The following CNTNAP5 variants were observed in gnomAD, a reference collection of about 807,000 sequenced individuals.
The protein encoded by CNTNAP5 is contactin associated protein family member 5.
A neutral mutation model predicts 150.2 loss-of-function variants in CNTNAP5; 72 were observed. The observed-to-expected ratio is 0.48, with a 90% confidence interval of 0.40 to 0.58. The LOEUF is 0.58. Ranked by LOEUF, CNTNAP5 falls within the 20% of genes least tolerant of loss-of-function variation. The pLI is 0.00. For synonymous variants in CNTNAP5, 672 were observed against 619.8 expected, an observed-to-expected ratio of 1.08 and a Z score of -1.25; for missense variants, 1,636 against 1,626.2, an observed-to-expected ratio of 1.01 and a Z score of -0.10.
intron 1 of CNTNAP5, among the ~76,000 whole-genome samples, chr2:124,195,626 C>T (rs1391224392): frequency 3.3e-5 from 5 of 152,138 alleles, no homozygotes; most frequent in Non-Finnish European, 5.9e-5. Flanking sequence ...AATACACACA[C>T]ACACACATAA....
At chr2:124,735,864 C>A (rs929998463) in intron 13 of CNTNAP5, among the ~76,000 whole-genome samples, 1 of 152,066 alleles carries the variant, frequency 6.6e-6, no homozygotes, top group African/African-American at 2.4e-5. Flanking sequence ...AACCTCGTTT[C>A]GAATGTTAGT....
At chr2:124,384,028 C>T (rs1690868225) in intron 3 of CNTNAP5, among the ~76,000 whole-genome samples, 1 of 151,956 alleles carries the variant, frequency 6.6e-6, no homozygotes. Flanking sequence ...CTTATTATTG[C>T]CCCATTAATC....
At chr2:124,108,962 C>T (rs1016725028) in intron 1 of CNTNAP5, among the ~76,000 whole-genome samples, 1 of 152,124 alleles carries the variant, frequency 6.6e-6, no homozygotes, top group Non-Finnish European at 1.5e-5. Flanking sequence ...ATTACTGAGA[C>T]ACTATCACAT....
chr2:124,178,574 G>C (rs1685124612), intron 1 of CNTNAP5, among the ~76,000 whole-genome samples: 1 of 152,134 alleles, frequency 6.6e-6, no homozygotes, highest in Non-Finnish European at 1.5e-5. Flanking sequence ...TTTGTTTAAT[G>C]CTTTAGTCTG....
chr2:124,318,759 A>C (rs1253315356), intron 3 of CNTNAP5, among the ~76,000 whole-genome samples: 1 of 151,878 alleles, frequency 6.6e-6, no homozygotes, highest in East Asian at 1.9e-4. Context: ...CAGAAACCCC[A>C]AAATCTCCTT....
chr2:124,454,352 A>G (rs1693063188), intron 6 of CNTNAP5, among the ~76,000 whole-genome samples: 1 of 152,224 alleles, frequency 6.6e-6, no homozygotes, highest in Non-Finnish European at 1.5e-5. Flanking sequence ...GGAAATTATC[A>G]CAGTCATAAA....
Position 124,025,368 on chromosome 2 carries a change from TGCACC to T in CNTNAP5, c.-281_-277del. On this transcript the variant is annotated 5_prime_UTR_variant, in exon 1 of 24. Coordinates refer to ENST00000682447, the MANE Select transcript of CNTNAP5 (RefSeq NM_001367498.1). ...CTGTCGTTCTAATTGGGTTTGGATT[TGCACC>T]GTTAAGGAGGGGGGAAGAGAAGGAA... is the stretch of plus-strand genomic sequence containing the variant. 2 of 462,740 alleles carry T rather than the reference TGCACC, an allele frequency of 4.3e-6. No individual in the cohort carries two copies. Among genetic ancestry groups the T allele is most frequent in the Non-Finnish European group, 8.0e-6 (2 of 250,556 alleles). 28.7% of individuals were successfully genotyped at this position (462,740 alleles called of 1,614,324 possible). A position where few individuals can be genotyped will look rare whatever the true frequency, so the allele number is the denominator to read the frequency against.
At chr2:124,817,405 C>CA (rs959506006) in intron 19 of CNTNAP5, among the ~76,000 whole-genome samples, 37 of 148,094 alleles carry the variant, frequency 2.5e-4, no homozygotes, top group African/African-American at 6.9e-4. Context: ...CCTTATACTT[C>CA]AAAAAAAAAG....
chr2:124,206,814 A>C (rs1685876436), intron 1 of CNTNAP5, among the ~76,000 whole-genome samples: 2 of 152,172 alleles, frequency 1.3e-5, no homozygotes, highest in South Asian at 4.1e-4. Context: ...GTAATAGGGG[A>C]CAGAAGCCTG....
intron 1 of CNTNAP5, among the ~76,000 whole-genome samples, chr2:124,221,481 A>G (rs890516072): frequency 1.3e-5 from 2 of 152,056 alleles, no homozygotes; most frequent in South Asian, 4.1e-4. Flanking sequence ...TCTGCTTGAC[A>G]TTTTTGAACT....
chr2:124,086,732 C>T lies in CNTNAP5; in HGVS notation c.82+61000C>T, dbSNP rs145816620. On this transcript the variant is annotated intron_variant, in intron 1 of 23. Transcript: ENST00000682447. The stretch of plus-strand genomic sequence containing the variant: ...TTTATAGTAAGTTTTTTGTAAACAA[C>T]ATAGTTGGGTCATGGCTTATAATCC... Among the ~76,000 whole-genome samples, 555 of 151,658 alleles carry T rather than the reference C, an allele frequency of 3.7e-3. 18 individuals are homozygous for T. Among genetic ancestry groups the T allele is most frequent in the African/African-American group, 0.013 (533 of 41,078 alleles).
intron 2 of CNTNAP5, among the ~76,000 whole-genome samples, chr2:124,222,771 C>T (rs893903126): frequency 6.7e-6 from 1 of 149,694 alleles, no homozygotes; most frequent in African/African-American, 2.5e-5. Context: ...TTTGTTAACA[C>T]TTGAATTTAT....
At position 124,630,385 on chromosome 2, in the gene CNTNAP5, T is replaced by C. The variant is rs187470191; in HGVS notation, c.1877-17373T>C. Among the ~76,000 whole-genome samples the C allele has an allele frequency of 7.1e-3, 1,079 of 152,230 alleles. 48 individuals are homozygous for C. Among genetic ancestry groups the C allele is most frequent in the Admixed American group, 0.066 (1,007 of 15,284 alleles). ...AATAGCTTATCCACCACGATCAAGT[T>C]GGTTTCATCCCTGGCATGCAAGGCT... On this transcript the variant is annotated intron_variant, in intron 12 of 23. Transcript: ENST00000682447.
At chr2:124,460,245 G>C (rs1302077365) in intron 6 of CNTNAP5, among the ~76,000 whole-genome samples, 2 of 152,166 alleles carry the variant, frequency 1.3e-5, no homozygotes, top group Non-Finnish European at 2.9e-5. Context: ...GAATCTCAGA[G>C]AGTAGGACAA....
chr2:124,706,849 G>GGAA (rs1679663864), intron 13 of CNTNAP5, among the ~76,000 whole-genome samples: 1 of 130,006 alleles, frequency 7.7e-6, no homozygotes, highest in South Asian at 2.6e-4. Flanking sequence ...GGAGGAAGGA[G>GGAA]GAGGAGGAGA....
At chr2:124,117,528 T>C (rs1683455250) in intron 1 of CNTNAP5, among the ~76,000 whole-genome samples, 1 of 152,114 alleles carries the variant, frequency 6.6e-6, no homozygotes, top group East Asian at 1.9e-4. Context: ...AAAAGTTAGG[T>C]TGGGAAACGA....
chr2:124,633,357 T>C (rs1228687190), intron 12 of CNTNAP5, among the ~76,000 whole-genome samples: 1 of 151,990 alleles, frequency 6.6e-6, no homozygotes, highest in African/African-American at 2.4e-5. Flanking sequence ...AACAGAGAAA[T>C]TGGCCAAAAG....
At chr2:124,694,779 T>C (rs1679370668) in intron 13 of CNTNAP5, among the ~76,000 whole-genome samples, 1 of 152,184 alleles carries the variant, frequency 6.6e-6, no homozygotes, top group Admixed American at 6.6e-5. Flanking sequence ...TGATTTTTTT[T>C]CCAAATCCTG....
At chr2:124,596,105 AT>A (rs1327098012) in intron 11 of CNTNAP5, among the ~76,000 whole-genome samples, 1 of 134,598 alleles carries the variant, frequency 7.4e-6, no homozygotes, top group East Asian at 2.4e-4. Flanking sequence ...GGATTCATTG[AT>A]TTTTTGAAGA....
Sources: gnomAD v4.1 joint callset for allele counts (sites outside exome capture counted in the v4.1 genomes callset) on GRCh38, gnomAD v4.1.1 for gene constraint, MANE v1.5 for transcripts, NCBI Gene and HGNC (gene_info 2026-07-23, HGNC 2026-07-21) for gene names.